The following NBAS variants were observed in gnomAD, a reference collection of about 807,000 sequenced individuals.
NBAS encodes the protein NBAS subunit of NRZ tethering complex.
NBAS carries 219 observed loss-of-function variants against 302.5 expected under a neutral mutation model. The observed-to-expected ratio is 0.72, with a 90% CI of 0.65 to 0.81. NBAS has a LOEUF of 0.81. Among genes scored for constraint, NBAS ranks in the 30% least tolerant of loss-of-function variants. The pLI, the probability that NBAS is intolerant of heterozygous loss-of-function variation, is 0.00. For synonymous variants in NBAS, 1,118 were observed against 1,021.6 expected, an observed-to-expected ratio of 1.09 and a Z score of -1.80; for missense variants, 2,932 against 2,841.6, an observed-to-expected ratio of 1.03 and a Z score of -0.72.
At position 15,424,519 on chromosome 2, in the gene NBAS, CAT is replaced by C. The variant is rs112426777; in HGVS notation, c.2424-53_2424-52del. The C allele has an allele frequency of 6.6e-5, 105 of 1,600,350 alleles. 1 individual carries two copies. The Middle Eastern group carries it at 5.6e-3, about 86-fold the overall frequency. On this transcript the variant is annotated intron_variant, in intron 22 of 51. Coordinates refer to ENST00000281513, the MANE Select transcript of NBAS (RefSeq NM_015909.4). ...ATAACTGACTAGAATGTTGGAAAAACATATAATTTTGTGAGAGAAAGACAGGG... is the reference window on the plus strand; with the variant it reads ...ATAACTGACTAGAATGTTGGAAAAACATAATTTTGTGAGAGAAAGACAGGG...
At chr2:15,282,039 T>C (rs1669848725) in intron 42 of NBAS, among the ~76,000 whole-genome samples, 1 of 152,316 alleles carries the variant, frequency 6.6e-6, no homozygotes, top group South Asian at 2.1e-4. Flanking sequence ...AAACCAAATT[T>C]AGGGCTCAAT....
At chr2:14,825,896 A>T in the NBAS span, among the ~76,000 whole-genome samples, 1 of 152,196 alleles carries the variant, frequency 6.6e-6, no homozygotes, top group African/African-American at 2.4e-5. Flanking sequence ...TTCCAGGTGG[A>T]AAAAGCAGTT....
At chr2:15,511,859 T>G (rs1662158973) in intron 9 of NBAS, among the ~76,000 whole-genome samples, 1 of 152,222 alleles carries the variant, frequency 6.6e-6, no homozygotes, top group South Asian at 2.1e-4. Flanking sequence ...TGGTTCACTT[T>G]TCTGTTTGTT....
intron 25 of NBAS, among the ~76,000 whole-genome samples, chr2:15,406,114 AACAAAAC>A (rs1488271232): frequency 6.8e-6 from 1 of 146,894 alleles, no homozygotes; most frequent in African/African-American, 2.6e-5. Context: ...AAAAAAAAAA[AACAAAAC>A]AAAAAAACAT....
intron 44 of NBAS, among the ~76,000 whole-genome samples, chr2:15,261,636 C>G (rs1442389958): frequency 2.6e-5 from 4 of 151,610 alleles, no homozygotes; most frequent in African/African-American, 9.7e-5. Context: ...TTTTACTGCT[C>G]ACTTTCAGCA....
chr2:15,153,360 G>A, the NBAS span, among the ~76,000 whole-genome samples: 1 of 152,230 alleles, frequency 6.6e-6, no homozygotes, highest in Non-Finnish European at 1.5e-5. Context: ...GCTATCCCCT[G>A]AGAAGGCTAT....
At chr2:14,840,753 C>A in the NBAS span, among the ~76,000 whole-genome samples, 4 of 152,122 alleles carry the variant, frequency 2.6e-5, no homozygotes, top group South Asian at 8.3e-4. Flanking sequence ...TTTACCACCA[C>A]AAGATCCATC....
chr2:14,816,201 G>C, the NBAS span, among the ~76,000 whole-genome samples: 1 of 152,232 alleles, frequency 6.6e-6, no homozygotes. Context: ...GTACTGGTCT[G>C]TGACCTGTCA....
At chr2:15,396,844 C>A (rs75312727) in intron 26 of NBAS, among the ~76,000 whole-genome samples, 2,070 of 152,100 alleles carry the variant, frequency 0.014, 35 homozygotes, top group East Asian at 0.061. Flanking sequence ...AGAAGCATAG[C>A]CATGTTGGCT....
chr2:15,382,103 AAT>A (rs3085585), intron 29 of NBAS, among the ~76,000 whole-genome samples: 94,904 of 151,712 alleles, frequency 0.63, 30,441 homozygotes, highest in Middle Eastern at 0.69. Flanking sequence ...CACAAACGGA[AAT>A]ATATATATAT....
At chr2:15,344,891 A>G (rs1673018900) in intron 35 of NBAS, among the ~76,000 whole-genome samples, 1 of 152,204 alleles carries the variant, frequency 6.6e-6, no homozygotes, top group Non-Finnish European at 1.5e-5. Context: ...CATCACATAA[A>G]CAGAACCAAT....
At chr2:15,504,663 A>G (rs981015235) in intron 10 of NBAS, among the ~76,000 whole-genome samples, 1 of 152,226 alleles carries the variant, frequency 6.6e-6, no homozygotes, top group African/African-American at 2.4e-5. Context: ...AATATAACAC[A>G]TGACAATTTT....
intron 21 of NBAS, among the ~76,000 whole-genome samples, chr2:15,439,947 C>G (rs533240734): frequency 7.9e-5 from 12 of 152,326 alleles, no homozygotes; most frequent in African/African-American, 2.9e-4. Flanking sequence ...GGCAGTGAGG[C>G]TGGGGGAGGG....
At chr2:15,317,857 A>G (rs1671590596) in intron 38 of NBAS, among the ~76,000 whole-genome samples, 1 of 152,238 alleles carries the variant, frequency 6.6e-6, no homozygotes, top group East Asian at 1.9e-4. Flanking sequence ...TCCCCAACCT[A>G]GCAAGACAGG....
At chr2:14,803,354 C>T in the NBAS span, among the ~76,000 whole-genome samples, 1 of 152,192 alleles carries the variant, frequency 6.6e-6, no homozygotes, top group African/African-American at 2.4e-5. Context: ...GGGGAAGCCT[C>T]TGCTGGTCTC....
chr2:14,998,137 G>T, the NBAS span, among the ~76,000 whole-genome samples: 57,900 of 151,926 alleles, frequency 0.38, 11,808 homozygotes, highest in Middle Eastern at 0.43. Flanking sequence ...TTTCCTGCAG[G>T]ACTCTGGGAA....
At chr2:15,500,685 C>T (rs558551021) in intron 11 of NBAS, among the ~76,000 whole-genome samples, 2 of 151,684 alleles carry the variant, frequency 1.3e-5, no homozygotes, top group East Asian at 3.9e-4. Context: ...CCTGTAATCC[C>T]AGCACTTTGG....
chr2:15,430,001 T>C (rs1376089342), intron 21 of NBAS, among the ~76,000 whole-genome samples: 1 of 152,204 alleles, frequency 6.6e-6, no homozygotes, highest in Non-Finnish European at 1.5e-5. Context: ...AATTGAGGAA[T>C]GAGGAGAAAA....
chr2:15,074,985 G>A, the NBAS span, among the ~76,000 whole-genome samples: 1 of 152,100 alleles, frequency 6.6e-6, no homozygotes, highest in Admixed American at 6.5e-5. Flanking sequence ...AAAGCTACTG[G>A]TAGAATGTAA....
Sources: allele counts gnomAD v4.1 joint callset (sites outside exome capture counted in the v4.1 genomes callset), GRCh38; gene constraint gnomAD v4.1.1; transcripts MANE v1.5; gene names NCBI Gene and HGNC (gene_info 2026-07-23, HGNC 2026-07-21).